Variants in IFT172 observed in about 807,000 individuals in gnomAD.
The protein encoded by IFT172 is intraflagellar transport protein 172 homolog.
A neutral mutation model predicts 248.9 loss-of-function variants in IFT172; 164 were observed. That is an observed-to-expected ratio of 0.66 (90% confidence interval 0.58 to 0.75). The LOEUF is 0.75. IFT172 is among the 30% of genes least tolerant of loss of function. IFT172 has a pLI of 0.00. For missense variants in IFT172, 1,950 were observed against 2,192.4 expected (o/e 0.89, Z 2.21); for synonymous variants, 729 against 791.6 (o/e 0.92, Z 1.33).
chr2:27,453,072 CCA>C (rs1665826978), intron 35 of IFT172: 1 of 418,726 alleles, frequency 2.4e-6, no homozygotes, highest in African/African-American at 2.0e-5. Context: ...CCCCTCTAGC[CCA>C]CAGAGATCTC....
chr2:27,461,883 G>A (rs1290165039), intron 20 of IFT172, 47 bp from the exon 21 acceptor site: 4 of 1,607,970 alleles, frequency 2.5e-6, no homozygotes, highest in Non-Finnish European at 3.4e-6. Context: ...AAGATATGAG[G>A]ATCAGAAAGC....
At chr2:27,455,256 T>C in intron 30 of IFT172, 1 of 350,782 alleles carries the variant, frequency 2.9e-6, no homozygotes, top group East Asian at 8.5e-5. Context: ...TCCAAAGTCA[T>C]CGTCTGGTTT....
intron 24 of IFT172, 56 bp downstream of exon 24, chr2:27,459,653 C>T: frequency 1.2e-6 from 2 of 1,606,862 alleles, no homozygotes; most frequent in Non-Finnish European, 1.7e-6. Flanking sequence ...TCCTTACTTG[C>T]TCCACTGCCC....
intron 7 of IFT172, among the ~76,000 whole-genome samples, chr2:27,482,129 C>T (rs1668429361): frequency 6.7e-6 from 1 of 149,778 alleles, no homozygotes; most frequent in South Asian, 2.1e-4. Context: ...ATTCCGGGCA[C>T]GTTCCACCAT....
chr2:27,449,135 G>A (rs550719226), intron 39 of IFT172, 104 bp from the exon 40 acceptor site: 18 of 1,108,200 alleles, frequency 1.6e-5, no homozygotes, highest in Middle Eastern at 2.6e-4. Context: ...AAGGGTGTAC[G>A]CAAACCTCTG....
intron 23 of IFT172, 71 bp downstream of exon 23, chr2:27,460,944 A>G (rs1666608694): frequency 1.3e-6 from 2 of 1,584,570 alleles, no homozygotes; most frequent in Non-Finnish European, 1.7e-6. Flanking sequence ...ACCCACCCCT[A>G]CAAGAGGTGC....
intron 16 of IFT172, among the ~76,000 whole-genome samples, chr2:27,467,365 G>A (rs1667159492): frequency 7.7e-6 from 1 of 130,032 alleles, no homozygotes; most frequent in South Asian, 2.7e-4. Flanking sequence ...TTGAGCCCAG[G>A]AGTTTGAGAC....
intron 15 of IFT172, 133 bp downstream of exon 15, chr2:27,472,117 C>T: frequency 1.4e-6 from 1 of 701,926 alleles, no homozygotes; most frequent in Non-Finnish European, 2.6e-6. Flanking sequence ...GTTGATTCTT[C>T]TGTGCCTTCT....
intron 9 of IFT172, 139 bp from the exon 10 acceptor site, chr2:27,479,743 T>C: frequency 1.4e-6 from 1 of 723,274 alleles, no homozygotes; most frequent in Non-Finnish European, 2.3e-6. Flanking sequence ...TTTTTGGAAT[T>C]ACCAAAAGGA....
chr2:27,480,993 G>A, intron 8 of IFT172, 53 bp downstream of exon 8: 1 of 1,426,678 alleles, frequency 7.0e-7, no homozygotes, highest in South Asian at 1.1e-5. Context: ...GGCTAAAGCA[G>A]AGAGTGTTCG....
In IFT172 at chr2:27,476,736, GA is replaced by G; in HGVS notation, c.1326-11del. ...CTCATTAATACGAACACTGAAACAT[GA>G]AGGGTGAGGTAAGGCAAAATGGGCT... On this transcript the variant is annotated splice_polypyrimidine_tract_variant and intron_variant, in intron 13 of 47. Coordinates refer to ENST00000260570, the MANE Select transcript of IFT172 (RefSeq NM_015662.3). 1 of 1,603,440 alleles carries G rather than the reference GA, an allele frequency of 6.2e-7. No individual in the cohort carries two copies. Among genetic ancestry groups the G allele is most frequent in the Non-Finnish European group, 8.5e-7 (1 of 1,170,574 alleles).
Position 27,445,118 on chromosome 2 carries a change from A to G in IFT172, c.5069-13T>C. 1 of 1,613,602 alleles carries G rather than the reference A, an allele frequency of 6.2e-7. No homozygotes were observed. Among genetic ancestry groups the G allele is most frequent in the East Asian group, 2.2e-5 (1 of 44,884 alleles). Reference sequence around the variant, plus strand: ...AGAATGGGGTATCCTGTGGAGGAAGAAAAAATGATGAACTGGGGTTTGAGA... The same window carrying G: ...AGAATGGGGTATCCTGTGGAGGAAGGAAAAATGATGAACTGGGGTTTGAGA... On this transcript the variant is annotated splice_polypyrimidine_tract_variant and intron_variant, in intron 46 of 47. Transcript: ENST00000260570. The surrounding 1 kb of genome is among the most constrained non-coding windows in gnomAD (Gnocchi z 4.4).
At chr2:27,484,395 T>C in intron 3 of IFT172, 129 bp from the exon 4 acceptor site, 2 of 877,718 alleles carry the variant, frequency 2.3e-6, no homozygotes, top group East Asian at 3.1e-5. Flanking sequence ...ATCGAGACCA[T>C]CCTGGCTAAC....
chr2:27,472,332 G>A lies in IFT172; in HGVS notation c.1442C>T (p.Thr481Ile), dbSNP rs1347140160. ...VDLIGGYNIG[T>I]VSHESRVDWL... ...ATCCACACGGCTCTCATGGCTGACG[G>A]TGCCAATGTTGTAGCCACCAATCAG... Residue 481 changes from threonine to isoleucine, a missense_variant, in exon 15 of 48, where the codon ACC becomes ATC. Coordinates refer to ENST00000260570, the MANE Select transcript of IFT172 (RefSeq NM_015662.3). The A allele has an allele frequency of 2.5e-6, 4 of 1,614,086 alleles. No individual in the cohort carries two copies. In the South Asian group the frequency reaches 3.3e-5, roughly 13 times the overall value.
At chr2:27,462,406 A>G (rs954532694) in intron 20 of IFT172, among the ~76,000 whole-genome samples, 3 of 152,150 alleles carry the variant, frequency 2.0e-5, no homozygotes, top group African/African-American at 4.8e-5. Context: ...ATCTACCCCT[A>G]TGCACAAGAA....
chr2:27,465,937 C>A, intron 16 of IFT172, 55 bp from the exon 17 acceptor site: 1 of 1,606,972 alleles, frequency 6.2e-7, no homozygotes, highest in South Asian at 1.1e-5. Context: ...TCCACTGAAT[C>A]AATTATAGAA....
At position 27,449,664 on chromosome 2, in the gene IFT172, C is replaced by T. The variant is rs766816313; in HGVS notation, c.4160+27G>A. On this transcript the variant is annotated intron_variant, in intron 37 of 47. Transcript: ENST00000260570. ...TACAAAAGGAAGTAAAAGAGAATTT[C>T]GCAGTAAGAAGGGGTTACAAGCTTA... 24 of 1,609,186 alleles carry T rather than the reference C, an allele frequency of 1.5e-5. No homozygotes were observed. The East Asian group carries it at 2.5e-4, about 16-fold the overall frequency.
intron 35 of IFT172, among the ~76,000 whole-genome samples, chr2:27,451,356 A>G (rs1665657114): frequency 6.6e-6 from 1 of 152,172 alleles, no homozygotes; most frequent in Non-Finnish European, 1.5e-5. Context: ...CAAGTTACAT[A>G]TATCAGATGC....
At position 27,487,142 on chromosome 2, in the gene IFT172, A is replaced by T. The variant is rs113107843; in HGVS notation, c.40-1639T>A. Among the ~76,000 whole-genome samples, 72 of 152,102 alleles carry T rather than the reference A, an allele frequency of 4.7e-4. 1 individual carries two copies. Among genetic ancestry groups the T allele is most frequent in the African/African-American group, 1.7e-3 (69 of 41,476 alleles). ...ATATTTTTGGTAGAGACATGGTTTC[A>T]CCGTATTGCCCAGGCTGGTCTTGAA... On this transcript the variant is annotated intron_variant, in intron 1 of 47. Transcript: ENST00000260570.
Sources: allele counts gnomAD v4.1 joint callset (sites outside exome capture counted in the v4.1 genomes callset), GRCh38; gene constraint gnomAD v4.1.1; non-coding constraint Gnocchi (gnomAD v3.1); transcripts MANE v1.5; gene names NCBI Gene and HGNC (gene_info 2026-07-23, HGNC 2026-07-21).